The following EYS variants were observed in gnomAD, a reference collection of about 807,000 sequenced individuals.
EYS encodes EGF-like photoreceptor maintenance factor.
A neutral mutation model predicts 282.1 loss-of-function variants in EYS; 250 were observed. The observed-to-expected ratio is 0.89, with a 90% confidence interval of 0.80 to 0.98. The LOEUF (loss-of-function observed/expected upper bound fraction) is 0.98. Ranked by LOEUF, EYS falls within the 50% of genes least tolerant of loss-of-function variation. The probability of loss-of-function intolerance (pLI) is 0.00; values close to 1 mark genes in which losing one functional copy is unlikely to be tolerated. For missense variants in EYS, 4,016 were observed against 3,709.0 expected (o/e 1.08, Z -2.15); for synonymous variants, 1,355 against 1,282.9 (o/e 1.06, Z -1.20).
At chr6:63,846,686 C>T (rs1581887822) in intron 36 of EYS, among the ~76,000 whole-genome samples, 1 of 152,300 alleles carries the variant, frequency 6.6e-6, no homozygotes, top group East Asian at 1.9e-4. Context: ...TTATAATCTA[C>T]TCACACACCA....
intron 19 of EYS, among the ~76,000 whole-genome samples, chr6:64,862,229 A>G (rs1201533324): frequency 6.6e-6 from 1 of 152,026 alleles, no homozygotes; most frequent in Non-Finnish European, 1.5e-5. Context: ...GGTCTTTTTA[A>G]GAGTTTATCT....
chr6:64,395,894 T>A (rs945616930), intron 28 of EYS, among the ~76,000 whole-genome samples: 2 of 152,028 alleles, frequency 1.3e-5, no homozygotes, highest in African/African-American at 4.8e-5. Flanking sequence ...ATATGTGACA[T>A]TCTGGTTTTC....
intron 22 of EYS, among the ~76,000 whole-genome samples, chr6:64,755,733 G>A (rs1344191666): frequency 6.6e-6 from 1 of 152,090 alleles, no homozygotes; most frequent in African/African-American, 2.4e-5. Flanking sequence ...TAGACACTGG[G>A]AACTCACAAC....
intron 19 of EYS, among the ~76,000 whole-genome samples, chr6:64,841,611 A>C (rs979971871): frequency 6.6e-6 from 1 of 152,156 alleles, no homozygotes; most frequent in Non-Finnish European, 1.5e-5. Flanking sequence ...ATTGTCTACT[A>C]AATTATATTG....
intron 31 of EYS, among the ~76,000 whole-genome samples, chr6:64,135,065 A>T (rs1256770222): frequency 6.6e-6 from 1 of 152,064 alleles, no homozygotes; most frequent in Non-Finnish European, 1.5e-5. Context: ...TATCTCTGGG[A>T]TATACCTCAG....
At chr6:64,487,531 C>G (rs545413482) in intron 26 of EYS, among the ~76,000 whole-genome samples, 8 of 150,704 alleles carry the variant, frequency 5.3e-5, no homozygotes, top group Admixed American at 4.6e-4. Context: ...TATGTCCTAA[C>G]AAAATTATCA....
intron 35 of EYS, among the ~76,000 whole-genome samples, chr6:63,941,736 T>G (rs1214088153): frequency 6.6e-6 from 1 of 152,166 alleles, no homozygotes; most frequent in East Asian, 1.9e-4. Flanking sequence ...CAGTTGTGTT[T>G]ATGATCGGGA....
At chr6:64,806,828 T>C (rs752087838) in intron 22 of EYS, among the ~76,000 whole-genome samples, 1 of 151,670 alleles carries the variant, frequency 6.6e-6, no homozygotes, top group African/African-American at 2.4e-5. Context: ...AAAAAAAAAA[T>C]GCCTGGAACA....
intron 35 of EYS, among the ~76,000 whole-genome samples, chr6:63,920,362 G>A (rs796204898): frequency 6.6e-6 from 1 of 152,172 alleles, no homozygotes; most frequent in Non-Finnish European, 1.5e-5. Context: ...AGACCAGAGG[G>A]TAGGAGGAAA....
At chr6:64,507,882 C>T (rs544937998) in intron 26 of EYS, among the ~76,000 whole-genome samples, 1 of 152,212 alleles carries the variant, frequency 6.6e-6, no homozygotes, top group African/African-American at 2.4e-5. Context: ...ATAAAGAGGT[C>T]AGAAAGAATG....
At chr6:65,422,879 A>G (rs1409147312) in intron 5 of EYS, among the ~76,000 whole-genome samples, 1 of 151,832 alleles carries the variant, frequency 6.6e-6, no homozygotes, top group Non-Finnish European at 1.5e-5. Flanking sequence ...ACAAAGGAAC[A>G]ACAGACAAGT....
intron 14 of EYS, among the ~76,000 whole-genome samples, chr6:64,974,444 T>C (rs1770406305): frequency 6.6e-6 from 1 of 151,690 alleles, no homozygotes; most frequent in African/African-American, 2.4e-5. Flanking sequence ...AATTACTGAA[T>C]CAGACTATCT....
intron 19 of EYS, among the ~76,000 whole-genome samples, chr6:64,865,277 T>A (rs938800534): frequency 2.0e-5 from 3 of 152,076 alleles, no homozygotes; most frequent in Admixed American, 1.3e-4. Flanking sequence ...AATTTGAGAT[T>A]ATGGTAAGTA....
intron 29 of EYS, among the ~76,000 whole-genome samples, chr6:64,316,007 A>T (rs1398540997): frequency 6.6e-6 from 1 of 152,222 alleles, no homozygotes; most frequent in Non-Finnish European, 1.5e-5. Context: ...GCCTTCAAAA[A>T]TATTCAACAA....
intron 29 of EYS, among the ~76,000 whole-genome samples, chr6:64,346,428 C>T (rs1582633073): frequency 6.6e-6 from 1 of 151,866 alleles, no homozygotes; most frequent in Non-Finnish European, 1.5e-5. Context: ...TGGAAACCAT[C>T]ATTCTCAGCA....
At chr6:63,951,354 A>T (rs1357317009) in intron 35 of EYS, among the ~76,000 whole-genome samples, 1 of 152,100 alleles carries the variant, frequency 6.6e-6, no homozygotes, top group Non-Finnish European at 1.5e-5. Flanking sequence ...TCTTGTTGTA[A>T]AATGGACAAA....
intron 31 of EYS, among the ~76,000 whole-genome samples, chr6:64,182,326 G>T (rs1021821535): frequency 6.6e-6 from 1 of 151,756 alleles, no homozygotes; most frequent in Non-Finnish European, 1.5e-5. Flanking sequence ...AAATTATATT[G>T]CCTTCCTTTT....
intron 22 of EYS, among the ~76,000 whole-genome samples, chr6:64,679,707 T>A (rs570969601): frequency 6.6e-6 from 1 of 152,334 alleles, no homozygotes; most frequent in South Asian, 2.1e-4. Flanking sequence ...ATCATTTTGG[T>A]TATTTGCTGG....
At chr6:64,990,587 T>C (rs1771031507) in intron 14 of EYS, among the ~76,000 whole-genome samples, 1 of 151,668 alleles carries the variant, frequency 6.6e-6, no homozygotes, top group African/African-American at 2.4e-5. Context: ...AAATCATTTT[T>C]TAAGCTAGAT....
Sources: allele counts gnomAD v4.1 joint callset (sites outside exome capture counted in the v4.1 genomes callset), GRCh38; gene constraint gnomAD v4.1.1; transcripts MANE v1.5; gene names NCBI Gene and HGNC (gene_info 2026-07-23, HGNC 2026-07-21).